MYT1L: variants seen among roughly 807,000 people sequenced by gnomAD.
The protein encoded by MYT1L is myelin transcription factor 1-like protein.
A neutral mutation model predicts 126.7 loss-of-function variants in MYT1L; 12 were observed. That is an observed-to-expected ratio of 0.09 (90% CI 0.06 to 0.15). The LOEUF (loss-of-function observed/expected upper bound fraction) is 0.15. MYT1L is among the 10% of genes least tolerant of loss of function. The pLI, the probability that MYT1L is intolerant of heterozygous loss-of-function variation, is 1.00. For missense variants in MYT1L, 979 were observed against 1,585.2 expected, an observed-to-expected ratio of 0.62 and a Z score of 6.49; for synonymous variants, 541 against 604.2, an observed-to-expected ratio of 0.90 and a Z score of 1.53.
At chr2:1,898,411 C>G (rs2049898501) in intron 14 of MYT1L, among the ~76,000 whole-genome samples, 1 of 152,206 alleles carries the variant, frequency 6.6e-6, no homozygotes, top group Admixed American at 6.5e-5. Flanking sequence ...GCTTTCTAGC[C>G]TGTGGGATGA....
chr2:1,929,577 G>A lies in MYT1L; in HGVS notation c.506-6314C>T, dbSNP rs2054684395. On this transcript the variant is annotated intron_variant, in intron 9 of 24. Coordinates refer to ENST00000647738, the MANE Select transcript of MYT1L (RefSeq NM_001303052.2). The surrounding 1 kb of genome is among the most constrained non-coding windows in gnomAD (Gnocchi z 4.7). ...GTGTGTCTTATTTCCAGTATCATAG[G>A]AAATTTTCAGAATAGTCTGTCCATA... is the stretch of plus-strand genomic sequence containing the variant. Among the ~76,000 whole-genome samples the A allele has an allele frequency of 6.6e-6, 1 of 152,164 alleles. No individual in the cohort carries two copies. Among genetic ancestry groups the A allele is most frequent in the Admixed American group, 6.5e-5 (1 of 15,282 alleles).
At chr2:2,279,014 G>C (rs1177177163) in intron 2 of MYT1L, among the ~76,000 whole-genome samples, 1 of 152,144 alleles carries the variant, frequency 6.6e-6, no homozygotes, top group African/African-American at 2.4e-5. Flanking sequence ...CCACGAGCCT[G>C]TGTCTCTGAG....
At chr2:2,236,832 T>TGA in intron 2 of MYT1L, among the ~76,000 whole-genome samples, 1 of 128,608 alleles carries the variant, frequency 7.8e-6, no homozygotes, top group East Asian at 2.9e-4. Context: ...TTTTTTTTTT[T>TGA]GATGGAGTTT....
chr2:2,268,020 A>G (rs565801710), intron 2 of MYT1L, among the ~76,000 whole-genome samples: 2 of 152,306 alleles, frequency 1.3e-5, no homozygotes, highest in Non-Finnish European at 2.9e-5. Context: ...TTAATAAAAG[A>G]TGAGATTCGG....
At chr2:2,067,062 A>C (rs980801517) in intron 3 of MYT1L, among the ~76,000 whole-genome samples, 5 of 152,252 alleles carry the variant, frequency 3.3e-5, no homozygotes, top group Non-Finnish European at 7.3e-5. Flanking sequence ...TCAAAATATC[A>C]AATGAGACTT....
intron 18 of MYT1L, chr2:1,885,614 G>C (rs1335298410): frequency 6.6e-6 from 1 of 152,598 alleles, no homozygotes; most frequent in Admixed American, 6.5e-5. Context: ...TCAAATGTGG[G>C]TTGAAAAGCA....
intron 14 of MYT1L, among the ~76,000 whole-genome samples, chr2:1,893,431 G>A (rs962843434): frequency 4.6e-5 from 7 of 152,054 alleles, no homozygotes; most frequent in East Asian, 1.9e-4. Context: ...AGAGATCCCC[G>A]CCTGCTTCCC....
At chr2:1,971,378 A>G (rs1483384684) in intron 8 of MYT1L, among the ~76,000 whole-genome samples, 1 of 152,194 alleles carries the variant, frequency 6.6e-6, no homozygotes, top group East Asian at 1.9e-4. Context: ...CCAGGTGTTC[A>G]TTTTGTACAC....
chr2:2,261,850 T>C (rs1469502692), intron 2 of MYT1L, among the ~76,000 whole-genome samples: 4 of 152,170 alleles, frequency 2.6e-5, no homozygotes, highest in Admixed American at 1.3e-4. Flanking sequence ...AAGGAGGACA[T>C]ACACTAGGAA....
chr2:1,790,382 G>A lies in MYT1L; in HGVS notation c.*1485C>T, dbSNP rs560343433. The A allele has an allele frequency of 1.3e-5, 2 of 152,346 alleles. No homozygotes were observed. Among genetic ancestry groups the A allele is most frequent in the African/African-American group, 4.8e-5 (2 of 41,576 alleles). The allele number at this position is 152,346 out of a possible 1,614,324, so 9.4% of individuals were successfully genotyped here. On this transcript the variant is annotated 3_prime_UTR_variant, in exon 25 of 25. Transcript: ENST00000647738. Reference sequence around the variant, plus strand: ...CAACACGTCGTCAAAGGACTACTCAGAAGGGGGAACACAGCGCTCAAAAGT... The same window carrying A: ...CAACACGTCGTCAAAGGACTACTCAAAAGGGGGAACACAGCGCTCAAAAGT...
chr2:1,865,684 C>T (rs111715779), intron 18 of MYT1L, among the ~76,000 whole-genome samples: 39 of 152,006 alleles, frequency 2.6e-4, no homozygotes, highest in African/African-American at 9.4e-4. Flanking sequence ...CAGGTGATCA[C>T]ATAGGGACTA....
At chr2:1,831,140 ACGCGT>A in intron 21 of MYT1L, among the ~76,000 whole-genome samples, 1 of 146,266 alleles carries the variant, frequency 6.8e-6, no homozygotes, top group Non-Finnish European at 1.5e-5. Flanking sequence ...CGGGTGCCCG[ACGCGT>A]GTGTGAATGA....
At chr2:2,096,147 C>T (rs2077445918) in intron 3 of MYT1L, among the ~76,000 whole-genome samples, 1 of 152,210 alleles carries the variant, frequency 6.6e-6, no homozygotes, top group African/African-American at 2.4e-5. Flanking sequence ...TTTATTTTTG[C>T]AATATCAGAA....
At chr2:1,957,389 C>T (rs188503512) in intron 8 of MYT1L, among the ~76,000 whole-genome samples, 6 of 152,156 alleles carry the variant, frequency 3.9e-5, no homozygotes, top group Admixed American at 3.9e-4. Context: ...ATGCTGTACC[C>T]AATATGTAGT....
rs117490807 is a variant in MYT1L, at chr2:1,891,962, C to G, written c.2283+75G>C. 710 of 1,441,760 alleles carry G rather than the reference C, an allele frequency of 4.9e-4. 17 individuals are homozygous for G. The East Asian group carries it at 0.018, about 36-fold the overall frequency. The allele number at this position is 1,441,760 out of a possible 1,614,324, so 89.3% of individuals were successfully genotyped here. A position where few individuals can be genotyped will look rare whatever the true frequency, so the allele number is the denominator to read the frequency against. On this transcript the variant is annotated intron_variant, in intron 15 of 24. Coordinates refer to ENST00000647738, the MANE Select transcript of MYT1L (RefSeq NM_001303052.2). Reference sequence around the variant, plus strand: ...CCATACAGCTGCCCCGAAAGCGCCGCGTGTCTCGGTGGCTGGGTCCGCGGC... The same window carrying G: ...CCATACAGCTGCCCCGAAAGCGCCGGGTGTCTCGGTGGCTGGGTCCGCGGC...
chr2:2,302,063 A>G (rs1431885505), intron 1 of MYT1L, among the ~76,000 whole-genome samples: 1 of 152,228 alleles, frequency 6.6e-6, no homozygotes, highest in Non-Finnish European at 1.5e-5. Context: ...ATTGATATCC[A>G]CAATGGGCTA....
At chr2:2,214,864 T>A (rs1334070952) in intron 2 of MYT1L, among the ~76,000 whole-genome samples, 1 of 152,128 alleles carries the variant, frequency 6.6e-6, no homozygotes, top group Admixed American at 6.6e-5. Flanking sequence ...AGCAATAGTT[T>A]AAAAATAATA....
chr2:2,082,071 T>C (rs2075890740), intron 3 of MYT1L, among the ~76,000 whole-genome samples: 1 of 152,112 alleles, frequency 6.6e-6, no homozygotes, highest in Admixed American at 6.5e-5. Context: ...ATAATTGGAA[T>C]GAGGATCAAA....
chr2:2,288,244 C>G (rs772972516), intron 1 of MYT1L, among the ~76,000 whole-genome samples: 1 of 152,154 alleles, frequency 6.6e-6, no homozygotes, highest in Non-Finnish European at 1.5e-5. Context: ...ACATCACTGG[C>G]CTAACGTCAC....
Sources: gnomAD v4.1 joint callset for allele counts (sites outside exome capture counted in the v4.1 genomes callset) on GRCh38, gnomAD v4.1.1 for gene constraint, Gnocchi (gnomAD v3.1) non-coding constraint, MANE v1.5 for transcripts, NCBI Gene and HGNC (gene_info 2026-07-23, HGNC 2026-07-21) for gene names.